The following PRICKLE1 variants were observed in gnomAD, a reference collection of about 807,000 sequenced individuals.
The protein encoded by PRICKLE1 is prickle planar cell polarity protein 1.
In PRICKLE1, 14 loss-of-function variants were observed where a neutral mutation model predicts 70.2. That is an observed-to-expected ratio of 0.20 (90% CI 0.13 to 0.31). The LOEUF (loss-of-function observed/expected upper bound fraction) is 0.31, where lower values mean the gene tolerates loss of function less well. Ranked by LOEUF, PRICKLE1 falls within the 10% of genes least tolerant of loss-of-function variation. The probability of loss-of-function intolerance (pLI) is 1.00; values close to 1 mark genes in which losing one functional copy is unlikely to be tolerated. For synonymous variants in PRICKLE1, 357 were observed against 379.9 expected, an observed-to-expected ratio of 0.94 and a Z score of 0.70; for missense variants, 821 against 1,026.2, an observed-to-expected ratio of 0.80 and a Z score of 2.73.
intron 1 of PRICKLE1, among the ~76,000 whole-genome samples, chr12:42,478,328 A>G (rs1407356125): frequency 1.3e-5 from 2 of 152,240 alleles, no homozygotes; most frequent in Admixed American, 6.5e-5. Context: ...TTGGAAATAA[A>G]TCAATAGGCA....
intron 1 of PRICKLE1, among the ~76,000 whole-genome samples, chr12:42,522,067 G>A (rs1346793987): frequency 1.3e-5 from 2 of 150,884 alleles, no homozygotes; most frequent in African/African-American, 2.4e-5. Context: ...GCTCCACCTC[G>A]CGGGTTCAAG....
At chr12:42,497,027 C>T (rs1440576197) in intron 1 of PRICKLE1, among the ~76,000 whole-genome samples, 1 of 152,212 alleles carries the variant, frequency 6.6e-6, no homozygotes, top group Non-Finnish European at 1.5e-5. Context: ...AGCTTTTGGC[C>T]TCTCTCAGCT....
intron 1 of PRICKLE1, among the ~76,000 whole-genome samples, chr12:42,585,032 CTT>C (rs113214994): frequency 8.3e-5 from 12 of 145,058 alleles, no homozygotes; most frequent in African/African-American, 2.3e-4. Flanking sequence ...ACAGCCCTAA[CTT>C]TTTTTTTTTT....
intron 5 of PRICKLE1, among the ~76,000 whole-genome samples, chr12:42,468,053 CA>C (rs1436382499): frequency 6.6e-6 from 1 of 152,092 alleles, no homozygotes; most frequent in Non-Finnish European, 1.5e-5. Flanking sequence ...ACGTTAGTGT[CA>C]GGGGAAGCTG....
intron 1 of PRICKLE1, among the ~76,000 whole-genome samples, chr12:42,501,558 A>C (rs1293427505): frequency 2.0e-5 from 3 of 151,282 alleles, no homozygotes; most frequent in Non-Finnish European, 4.4e-5. Context: ...GCAAATTCCT[A>C]TACAAGCAAC....
At chr12:42,488,922 CTTT>C (rs768868836) in intron 1 of PRICKLE1, among the ~76,000 whole-genome samples, 5 of 130,870 alleles carry the variant, frequency 3.8e-5, no homozygotes, top group African/African-American at 2.9e-5. Flanking sequence ...ATCAATCTAT[CTTT>C]TTTTTTTTTT....
intron 1 of PRICKLE1, among the ~76,000 whole-genome samples, chr12:42,550,632 C>CTG (rs1283100739): frequency 2.0e-5 from 3 of 152,190 alleles, no homozygotes; most frequent in African/African-American, 7.2e-5. Flanking sequence ...AGTTTTTGAA[C>CTG]TGTTTTCAAC....
chr12:42,525,494 GC>G (rs775151813), intron 1 of PRICKLE1, among the ~76,000 whole-genome samples: 4 of 152,156 alleles, frequency 2.6e-5, no homozygotes, highest in Non-Finnish European at 5.9e-5. Context: ...AGTCCTGTGG[GC>G]CTGAGCCCTT....
intron 1 of PRICKLE1, among the ~76,000 whole-genome samples, chr12:42,566,870 G>A (rs1202568632): frequency 1.3e-5 from 2 of 152,108 alleles, no homozygotes; most frequent in Non-Finnish European, 2.9e-5. Context: ...CAAAGAAAAA[G>A]TTTTTGAGCC....
At chr12:42,581,746 C>CA (rs71948536) in intron 1 of PRICKLE1, among the ~76,000 whole-genome samples, 20,741 of 109,438 alleles carry the variant, frequency 0.19, 1,701 homozygotes, top group Non-Finnish European at 0.23. Context: ...GACTCCATCT[C>CA]AAAAAAAAAA....
chr12:42,500,664 C>CTTTTTT (rs11448078), intron 1 of PRICKLE1, among the ~76,000 whole-genome samples: 3,109 of 142,776 alleles, frequency 0.022, 104 homozygotes, highest in African/African-American at 0.075. Context: ...CATTAATTTT[C>CTTTTTT]TTTTTTTTTT....
At chr12:42,503,321 T>C (rs1312297734) in intron 1 of PRICKLE1, among the ~76,000 whole-genome samples, 1 of 152,122 alleles carries the variant, frequency 6.6e-6, no homozygotes, top group East Asian at 1.9e-4. Flanking sequence ...ACCTGTTACT[T>C]ATCTAGTAAA....
chr12:42,562,831 C>G (rs1376711623), intron 1 of PRICKLE1, among the ~76,000 whole-genome samples: 1 of 152,114 alleles, frequency 6.6e-6, no homozygotes, highest in Non-Finnish European at 1.5e-5. Flanking sequence ...TGCCCAGAAA[C>G]ACTGGGCAGT....
chr12:42,483,291 GCCGGCGCGCA>G (rs1214612300), intron 1 of PRICKLE1: 2 of 152,270 alleles, frequency 1.3e-5, no homozygotes, highest in Non-Finnish European at 2.9e-5. Flanking sequence ...GAAGCCCCTC[GCCGGCGCGCA>G]CCCTGCAGCC....
chr12:42,496,873 T>C (rs1449357905), intron 1 of PRICKLE1, among the ~76,000 whole-genome samples: 2 of 152,222 alleles, frequency 1.3e-5, no homozygotes, highest in Non-Finnish European at 2.9e-5. Flanking sequence ...TGATCTTCTA[T>C]TCAGACCATT....
intron 1 of PRICKLE1, among the ~76,000 whole-genome samples, chr12:42,535,255 G>T (rs576482151): frequency 2.0e-5 from 3 of 152,354 alleles, no homozygotes; most frequent in Admixed American, 1.3e-4. Flanking sequence ...GCCAGCACAA[G>T]AGAAAGACAT....
intron 3 of PRICKLE1, 61 bp from the exon 4 acceptor site, chr12:42,469,648 T>C (rs1938238041): frequency 6.2e-7 from 1 of 1,606,548 alleles, no homozygotes; most frequent in South Asian, 1.1e-5. Context: ...ACCAGTTCTC[T>C]ACTTCCAGAG....
chr12:42,547,000 AC>A (rs1205461109), intron 1 of PRICKLE1, among the ~76,000 whole-genome samples: 1 of 152,162 alleles, frequency 6.6e-6, no homozygotes, highest in African/African-American at 2.4e-5. Context: ...GACAAAATAT[AC>A]CCCAAGTTTT....
At chr12:42,514,885 C>T (rs980572051) in intron 1 of PRICKLE1, among the ~76,000 whole-genome samples, 9 of 124,486 alleles carry the variant, frequency 7.2e-5, no homozygotes, top group East Asian at 2.1e-4. Flanking sequence ...TTTTAAGGCT[C>T]GCTCTATCTA....
Sources: allele counts gnomAD v4.1 joint callset (sites outside exome capture counted in the v4.1 genomes callset), GRCh38; gene constraint gnomAD v4.1.1; transcripts MANE v1.5; gene names NCBI Gene and HGNC (gene_info 2026-07-23, HGNC 2026-07-21).